ACO1: variants seen among roughly 807,000 people sequenced by gnomAD.
The protein encoded by ACO1 is cytoplasmic aconitate hydratase.
A neutral mutation model predicts 105.1 loss-of-function variants in ACO1; 78 were observed. The ratio of observed to expected loss-of-function variants is 0.74; its 90% CI spans 0.62 to 0.90. The LOEUF (loss-of-function observed/expected upper bound fraction) is 0.90. ACO1 is among the 40% of genes least tolerant of loss of function. The pLI is 0.00. For missense variants in ACO1, 965 were observed against 1,111.1 expected (o/e 0.87, Z 1.87); for synonymous variants, 364 against 397.4 (o/e 0.92, Z 1.00).
chr9:32,421,155 C>A, intron 8 of ACO1, 128 bp downstream of exon 8: 1 of 1,060,436 alleles, frequency 9.4e-7, no homozygotes, highest in Admixed American at 2.5e-5. Context: ...TTATTTTTTT[C>A]TCCATGGAGT....
rs1822823499 is a variant in ACO1 at position 32,453,919 on chromosome 9, C to T, written c.*3808C>T. 5 of 152,328 alleles carry T rather than the reference C, an allele frequency of 3.3e-5. No individual in the cohort carries two copies. In the South Asian group the frequency reaches 8.3e-4, roughly 25 times the overall value. 9.4% of individuals were successfully genotyped at this position (152,328 alleles called of 1,614,324 possible). On this transcript the variant is annotated 3_prime_UTR_variant, in exon 21 of 21. Transcript: ENST00000309951. ...ATATTAAGTAAGTTTTAAAAGTTGA[C>T]ATCCCAAGAGTGAAGCCTACTTATT...
At position 32,436,322 on chromosome 9, in the gene ACO1, T is replaced by G; in HGVS notation, c.2172T>G (p.Phe724Leu). Residue 724 changes from phenylalanine to leucine, a missense_variant, in exon 18 of 21, where the codon TTT becomes TTG. Phe to Leu is a conservative substitution (Grantham distance 22). Transcript: ENST00000309951. ...ACGCCGTCATGGCACGGGGAACATT[T>G]GCCAACATTCGCTTGTTAAACAGAT... The part of the protein sequence containing the change: ...GNDAVMARGT[F>L]ANIRLLNRFL... The G allele has an allele frequency of 6.2e-7, 1 of 1,614,224 alleles. No individual in the cohort carries two copies. Among genetic ancestry groups the G allele is most frequent in the Non-Finnish European group, 8.5e-7 (1 of 1,180,030 alleles).
rs1649515784 is a variant in ACO1 at position 32,450,305 on chromosome 9, AT to A, written c.*195del. The A allele has an allele frequency of 1.5e-6, 1 of 669,564 alleles. No homozygotes were observed. Among genetic ancestry groups the A allele is most frequent in the South Asian group, 1.6e-5 (1 of 63,556 alleles). The allele number at this position is 669,564 out of a possible 1,614,324, so 41.5% of individuals were successfully genotyped here. A position where few individuals can be genotyped will look rare whatever the true frequency, so the allele number is the denominator to read the frequency against. On this transcript the variant is annotated 3_prime_UTR_variant, in exon 21 of 21. Coordinates refer to ENST00000309951, the MANE Select transcript of ACO1 (RefSeq NM_002197.3). Reference sequence around the variant, plus strand: ...TCTACATTCTCTATTTTTGTTAATCATCTTCTCTTTTTCCAGAATTTGGAAG... The same window carrying A: ...TCTACATTCTCTATTTTTGTTAATCACTTCTCTTTTTCCAGAATTTGGAAG...
At chr9:32,404,662 A>T (rs890320011) in intron 1 of ACO1, among the ~76,000 whole-genome samples, 27 of 152,130 alleles carry the variant, frequency 1.8e-4, no homozygotes, top group African/African-American at 5.6e-4. Flanking sequence ...TCACATACAC[A>T]GGTCTCTTCC....
intron 1 of ACO1, among the ~76,000 whole-genome samples, chr9:32,391,938 T>A (rs1025370130): frequency 6.6e-6 from 1 of 151,134 alleles, no homozygotes; most frequent in Non-Finnish European, 1.5e-5. Context: ...GTTTTAAGGA[T>A]GTTATGTTTC....
chr9:32,428,019 A>G lies in ACO1; in HGVS notation c.1484+583A>G, dbSNP rs542040321. On this transcript the variant is annotated intron_variant, in intron 12 of 20. Transcript: ENST00000309951. ...GCTGGACCCAGTAGCTCACACCTGTAATATCAGTGCTTTGGGAGGCCAGGG... is the reference window on the plus strand; with the variant it reads ...GCTGGACCCAGTAGCTCACACCTGTGATATCAGTGCTTTGGGAGGCCAGGG... Among the ~76,000 whole-genome samples, 5 of 152,108 alleles carry G rather than the reference A, an allele frequency of 3.3e-5. No individual in the cohort carries two copies. The South Asian group carries it at 1.0e-3, about 32-fold the overall frequency.
intron 4 of ACO1, among the ~76,000 whole-genome samples, chr9:32,409,553 T>A (rs752647264): frequency 5.3e-5 from 8 of 152,228 alleles, no homozygotes; most frequent in Non-Finnish European, 1.0e-4. Flanking sequence ...GGTGTGCATA[T>A]TAAAATGTCT....
chr9:32,440,352 A>G (rs1822449304), intron 18 of ACO1, 113 bp from the exon 19 acceptor site: 1 of 1,087,234 alleles, frequency 9.2e-7, no homozygotes, highest in Admixed American at 2.2e-5. Flanking sequence ...AGATGATTGG[A>G]CGGATTTGGC....
At chr9:32,449,110 C>T in intron 20 of ACO1, 29 bp downstream of exon 20, 1 of 1,559,650 alleles carries the variant, frequency 6.4e-7, no homozygotes, top group South Asian at 1.2e-5. Flanking sequence ...ATGCCAGGCC[C>T]TGTCGAAAGG....
chr9:32,401,985 C>T (rs1189174717), intron 1 of ACO1, among the ~76,000 whole-genome samples: 1 of 152,220 alleles, frequency 6.6e-6, no homozygotes, highest in African/African-American at 2.4e-5. Context: ...AGAATGTGAA[C>T]TACATGTAAT....
chr9:32,430,665 A>G (rs1398098712), intron 14 of ACO1, 91 bp downstream of exon 14: 5 of 1,370,166 alleles, frequency 3.6e-6, no homozygotes, highest in Middle Eastern at 1.9e-4. Flanking sequence ...GAAATGAAGC[A>G]TAGAGCCTCC....
At chr9:32,400,514 A>C (rs1276596762) in intron 1 of ACO1, among the ~76,000 whole-genome samples, 1 of 152,160 alleles carries the variant, frequency 6.6e-6, no homozygotes, top group African/African-American at 2.4e-5. Flanking sequence ...ATATCAAAGG[A>C]CATATTGAGG....
intron 1 of ACO1, among the ~76,000 whole-genome samples, chr9:32,391,690 T>C (rs1303489437): frequency 6.6e-6 from 1 of 152,240 alleles, no homozygotes; most frequent in African/African-American, 2.4e-5. Context: ...ATCCTTTCTA[T>C]AACTGCTATT....
intron 1 of ACO1, among the ~76,000 whole-genome samples, chr9:32,392,680 C>T (rs566595952): frequency 4.6e-4 from 70 of 152,284 alleles, no homozygotes; most frequent in African/African-American, 1.5e-3. Flanking sequence ...AGAAGCTATT[C>T]GAGACCTATC....
intron 7 of ACO1, 32 bp from the exon 8 acceptor site, chr9:32,420,824 T>G (rs1464649114): frequency 1.2e-6 from 2 of 1,602,712 alleles, no homozygotes; most frequent in Non-Finnish European, 8.5e-7. Flanking sequence ...GGCCATCAGA[T>G]CTCAAACTTT....
At chr9:32,436,110 G>A (rs770073713) in intron 17 of ACO1, 140 bp from the exon 18 acceptor site, 14 of 1,163,070 alleles carry the variant, frequency 1.2e-5, no homozygotes, top group Admixed American at 3.7e-5. Context: ...TTTCTGCCAT[G>A]GAGAACAATG....
At position 32,386,197 on chromosome 9, in the gene ACO1, G is replaced by T. The variant is rs1248868014; in HGVS notation, c.-23+1462G>T. 2.6e-5 allele frequency among the ~76,000 whole-genome samples: 4 copies of T among 152,322 alleles called. No individual in the cohort carries two copies. The South Asian group carries it at 8.3e-4, about 32-fold the overall frequency. The stretch of plus-strand genomic sequence containing the variant: ...GGGGAGACCATGCCAAGTGTGTAGG[G>T]GTTCCTGTGAGAGTTACCAAGTAGT... On this transcript the variant is annotated intron_variant, in intron 1 of 20. Transcript: ENST00000309951.
At chr9:32,441,076 C>A (rs1048538797) in intron 19 of ACO1, among the ~76,000 whole-genome samples, 1 of 152,208 alleles carries the variant, frequency 6.6e-6, no homozygotes, top group Non-Finnish European at 1.5e-5. Flanking sequence ...AGAATGGGTT[C>A]TAAGTCTCCT....
intron 1 of ACO1, among the ~76,000 whole-genome samples, chr9:32,393,940 C>T (rs562545623): frequency 3.0e-4 from 46 of 152,218 alleles, no homozygotes; most frequent in Non-Finnish European, 4.6e-4. Flanking sequence ...ATACCCCTAC[C>T]GGAATGATCT....
Sources: gnomAD v4.1 joint callset for allele counts (sites outside exome capture counted in the v4.1 genomes callset) on GRCh38, gnomAD v4.1.1 for gene constraint, MANE v1.5 for transcripts, NCBI Gene and HGNC (gene_info 2026-07-23, HGNC 2026-07-21) for gene names.